DTD1: variants seen among roughly 807,000 people sequenced by gnomAD.
DTD1 encodes the protein D-tyrosyl-tRNA deacylase 1 homolog.
Under a neutral mutation model 25.6 loss-of-function variants are expected in DTD1, and 13 were observed. That is an observed-to-expected ratio of 0.51 (90% CI 0.33 to 0.81). The LOEUF (loss-of-function observed/expected upper bound fraction) is 0.81, where lower values mean the gene tolerates loss of function less well. DTD1 is among the 30% of genes least tolerant of loss of function. DTD1 has a pLI of 0.02. For synonymous variants in DTD1, 110 were observed against 103.6 expected, an observed-to-expected ratio of 1.06 and a Z score of -0.37; for missense variants, 193 against 266.4, an observed-to-expected ratio of 0.72 and a Z score of 1.92.
intron 3 of DTD1, among the ~76,000 whole-genome samples, chr20:18,610,382 C>T (rs2060681566): frequency 3.3e-5 from 5 of 152,152 alleles, no homozygotes; most frequent in Admixed American, 3.3e-4. Flanking sequence ...TGTGCCACCA[C>T]ACCTGGCATA....
In DTD1 at chr20:18,749,146, C is replaced by A. The variant is rs879296167; in HGVS notation, c.*19+4875C>A. Among the ~76,000 whole-genome samples, 8 of 152,168 alleles carry A rather than the reference C, an allele frequency of 5.3e-5. No homozygotes were observed. The highest frequency in any genetic ancestry group is 4.6e-4 in the Admixed American group (7 of 15,288). Reference sequence around the variant, plus strand: ...AGGCCCCTGGCATGTTCTGGCTGTGCTCCAGGCTGGGATCCTTGGAGTGGG... The same window carrying A: ...AGGCCCCTGGCATGTTCTGGCTGTGATCCAGGCTGGGATCCTTGGAGTGGG... On this transcript the variant is annotated intron_variant, in intron 5 of 5. Coordinates refer to ENST00000377452, the MANE Select transcript of DTD1 (RefSeq NM_080820.6). This position sits in a 1 kb window ranked among gnomAD's most constrained non-coding sequence, Gnocchi z 4.2.
At chr20:18,588,333 C>T (rs1185334567) in intron 1 of DTD1, among the ~76,000 whole-genome samples, 1 of 152,074 alleles carries the variant, frequency 6.6e-6, no homozygotes, top group Non-Finnish European at 1.5e-5. Context: ...CCGACCGGCC[C>T]CGGCGCGCCC....
chr20:18,708,358 A>C (rs1424711553), intron 4 of DTD1, among the ~76,000 whole-genome samples: 2 of 73,064 alleles, frequency 2.7e-5, no homozygotes, highest in East Asian at 3.0e-4. Flanking sequence ...ATATATCTAT[A>C]TATATATTTT....
intron 4 of DTD1, among the ~76,000 whole-genome samples, chr20:18,672,051 T>C (rs1333756028): frequency 1.3e-5 from 2 of 152,070 alleles, no homozygotes; most frequent in African/African-American, 2.4e-5. Flanking sequence ...CTGGGCAACA[T>C]AGGGAGACCC....
At chr20:18,629,689 G>C (rs1401270928) in intron 4 of DTD1, among the ~76,000 whole-genome samples, 1 of 151,852 alleles carries the variant, frequency 6.6e-6, no homozygotes, top group African/African-American at 2.4e-5. Flanking sequence ...AAATACCTGA[G>C]ACAGGGTAAT....
At chr20:18,687,569 T>C (rs1406361412) in intron 4 of DTD1, among the ~76,000 whole-genome samples, 2 of 152,176 alleles carry the variant, frequency 1.3e-5, no homozygotes, top group Non-Finnish European at 2.9e-5. Flanking sequence ...TTTTTCTCTT[T>C]TTTTATTGAG....
chr20:18,727,594 G>A (rs147258481), intron 4 of DTD1, among the ~76,000 whole-genome samples: 244 of 152,262 alleles, frequency 1.6e-3, no homozygotes, highest in African/African-American at 5.6e-3. Context: ...CACATGTGAA[G>A]TGCACAGTTC....
At chr20:18,658,531 G>A (rs150260710) in intron 4 of DTD1, among the ~76,000 whole-genome samples, 159 of 152,184 alleles carry the variant, frequency 1.0e-3, no homozygotes, top group Middle Eastern at 6.8e-3. Context: ...ATGAAAATGT[G>A]GATGAACTTT....
intron 5 of DTD1, among the ~76,000 whole-genome samples, chr20:18,757,545 G>A (rs9753685): frequency 0.021 from 3,208 of 152,192 alleles, 99 homozygotes; most frequent in African/African-American, 0.072. Context: ...GGTTTTTGTC[G>A]TTGGTTCTGT....
Position 18,628,649 on chromosome 20 carries a change from A to G in DTD1, c.477+416A>G, listed in dbSNP as rs184320648. Among the ~76,000 whole-genome samples, 509 of 152,230 alleles carry G rather than the reference A, an allele frequency of 3.3e-3. 2 individuals carry two copies. The highest frequency in any genetic ancestry group is 0.012 in the African/African-American group (478 of 41,534). Reference sequence around the variant, plus strand: ...ATGTGCCCCCCAAGGTTTGCTGTAAATCTCCATTTTTCTAAAGCAGTGTCT... The same window carrying G: ...ATGTGCCCCCCAAGGTTTGCTGTAAGTCTCCATTTTTCTAAAGCAGTGTCT... On this transcript the variant is annotated intron_variant, in intron 4 of 5. Coordinates refer to ENST00000377452, the MANE Select transcript of DTD1 (RefSeq NM_080820.6).
At chr20:18,598,076 C>G (rs1037729946) in intron 3 of DTD1, among the ~76,000 whole-genome samples, 1 of 152,060 alleles carries the variant, frequency 6.6e-6, no homozygotes, top group African/African-American at 2.4e-5. Flanking sequence ...TATACATGTG[C>G]CATAGTGGTT....
intron 4 of DTD1, among the ~76,000 whole-genome samples, chr20:18,676,737 A>G (rs1356922336): frequency 6.6e-6 from 1 of 152,204 alleles, no homozygotes; most frequent in Non-Finnish European, 1.5e-5. Flanking sequence ...TGCTGCTTGT[A>G]GGATCACATT....
chr20:18,754,551 C>T (rs1012452093), intron 5 of DTD1, among the ~76,000 whole-genome samples: 9 of 152,212 alleles, frequency 5.9e-5, no homozygotes, highest in African/African-American at 2.2e-4. Context: ...TTTCAAGCCT[C>T]AATGGTCCAC....
intron 4 of DTD1, among the ~76,000 whole-genome samples, chr20:18,652,152 G>A (rs1231631310): frequency 1.3e-5 from 2 of 152,214 alleles, no homozygotes; most frequent in Admixed American, 6.5e-5. Context: ...GACATAGGGC[G>A]GGCCCAGGGG....
At position 18,657,824 on chromosome 20, in the gene DTD1, C is replaced by A. The variant is rs188848672; in HGVS notation, c.477+29591C>A. On this transcript the variant is annotated intron_variant, in intron 4 of 5. Transcript: ENST00000377452. The stretch of plus-strand genomic sequence containing the variant: ...TTCTCCACGTGGGCCTCCCCATAGG[C>A]CTGCTTGACGTGGCTTATGACATGG... Among the ~76,000 whole-genome samples, 299 of 152,298 alleles carry A rather than the reference C, an allele frequency of 2.0e-3. 2 individuals are homozygous for A. The highest frequency in any genetic ancestry group is 3.5e-3 in the Non-Finnish European group (240 of 68,024).
At chr20:18,744,039 T>C in intron 4 of DTD1, 61 bp from the exon 5 acceptor site, 1 of 1,515,576 alleles carries the variant, frequency 6.6e-7, no homozygotes, top group Non-Finnish European at 8.9e-7. Context: ...CACTGGTGTG[T>C]GGGATACACA....
chr20:18,598,656 C>A (rs1053595069), intron 3 of DTD1, among the ~76,000 whole-genome samples: 1 of 147,044 alleles, frequency 6.8e-6, no homozygotes, highest in Non-Finnish European at 1.5e-5. Context: ...AGCCACCACA[C>A]CCGGCTAATT....
intron 4 of DTD1, among the ~76,000 whole-genome samples, chr20:18,742,564 G>A (rs531548868): frequency 6.6e-6 from 1 of 152,286 alleles, no homozygotes; most frequent in East Asian, 1.9e-4. Flanking sequence ...GATCTAGGTT[G>A]CAGGCTTCTT....
At chr20:18,678,160 G>T (rs1239568218) in intron 4 of DTD1, among the ~76,000 whole-genome samples, 1 of 152,226 alleles carries the variant, frequency 6.6e-6, no homozygotes, top group Non-Finnish European at 1.5e-5. Flanking sequence ...AGAGAAATTA[G>T]TGAAACTGCT....
Sources: gnomAD v4.1 joint callset for allele counts (sites outside exome capture counted in the v4.1 genomes callset) on GRCh38, gnomAD v4.1.1 for gene constraint, Gnocchi (gnomAD v3.1) non-coding constraint, MANE v1.5 for transcripts, NCBI Gene and HGNC (gene_info 2026-07-23, HGNC 2026-07-21) for gene names.